Variants in PRKG1 observed in about 807,000 individuals in gnomAD.
PRKG1 encodes protein kinase cGMP-dependent 1.
Under a neutral mutation model 88.1 loss-of-function variants are expected in PRKG1, and 35 were observed. The observed-to-expected ratio is 0.40, with a 90% CI of 0.30 to 0.53. PRKG1 has a LOEUF of 0.53. Ranked by LOEUF, PRKG1 falls within the 20% of genes least tolerant of loss-of-function variation. PRKG1 has a pLI of 0.59. For missense variants in PRKG1, 540 were observed against 839.8 expected (o/e 0.64, Z 4.41); for synonymous variants, 303 against 292.5 (o/e 1.04, Z -0.37).
chr10:52,218,542 G>A (rs746569540), intron 9 of PRKG1, among the ~76,000 whole-genome samples: 6 of 152,066 alleles, frequency 3.9e-5, no homozygotes, highest in East Asian at 1.9e-4. Context: ...ATGAATAGTC[G>A]CAATACAAAA....
At chr10:51,072,099 G>T (rs1194349656), upstream of PRKG1, among the ~76,000 whole-genome samples, 1 of 152,134 alleles carries the variant, frequency 6.6e-6, no homozygotes, top group African/African-American at 2.4e-5. Context: ...GGAGGCTGAG[G>T]CAGGAGAATC....
chr10:51,952,413 T>C (rs1843205819), intron 5 of PRKG1, among the ~76,000 whole-genome samples: 1 of 152,208 alleles, frequency 6.6e-6, no homozygotes, highest in Admixed American at 6.5e-5. Flanking sequence ...GCTCTACTAC[T>C]TACTAGCTGG....
At chr10:51,615,842 C>A (rs1839037755) in intron 3 of PRKG1, among the ~76,000 whole-genome samples, 1 of 151,922 alleles carries the variant, frequency 6.6e-6, no homozygotes, top group Admixed American at 6.6e-5. Flanking sequence ...GAGATCTGTT[C>A]TGGAGAACTA....
At chr10:51,175,848 C>A (rs1025061940) in intron 2 of PRKG1, among the ~76,000 whole-genome samples, 1 of 152,040 alleles carries the variant, frequency 6.6e-6, no homozygotes, top group Non-Finnish European at 1.5e-5. Context: ...TGAGTCTGAT[C>A]CTGTTTCTGA....
At chr10:52,061,220 A>G (rs1846227597) in intron 6 of PRKG1, among the ~76,000 whole-genome samples, 1 of 152,032 alleles carries the variant, frequency 6.6e-6, no homozygotes, top group Non-Finnish European at 1.5e-5. Flanking sequence ...CACTGTGTGG[A>G]GGAGTAATCA....
At chr10:51,132,575 T>C (rs918994375) in intron 1 of PRKG1, among the ~76,000 whole-genome samples, 3 of 151,306 alleles carry the variant, frequency 2.0e-5, no homozygotes, top group Admixed American at 2.0e-4. Flanking sequence ...AGTAACTCTG[T>C]GAGAGACAGA....
rs146700314 is a variant in PRKG1 at position 51,735,854 on chromosome 10, CAT to C, written c.593-68706_593-68705del. On this transcript the variant is annotated intron_variant, in intron 3 of 17. Transcript: ENST00000373980. ...GGATATGGGGCAGGGGGCCTGACTG[CAT>C]ATATATATATATATATATATATATG... is the stretch of plus-strand genomic sequence containing the variant. 7.0e-3 allele frequency among the ~76,000 whole-genome samples: 800 copies of C among 114,162 alleles called. 17 individuals carry two copies. Among genetic ancestry groups the C allele is most frequent in the African/African-American group, 0.025 (728 of 29,034 alleles). 74.9% of individuals were successfully genotyped at this position (114,162 alleles called of 152,430 possible). A position where few individuals can be genotyped will look rare whatever the true frequency, so the allele number is the denominator to read the frequency against.
At chr10:51,834,970 A>G (rs1376659117) in intron 4 of PRKG1, among the ~76,000 whole-genome samples, 1 of 152,136 alleles carries the variant, frequency 6.6e-6, no homozygotes, top group East Asian at 1.9e-4. Flanking sequence ...TTGTCTGTAC[A>G]TAGGAGGCAT....
chr10:52,186,465 T>C (rs1007637324), intron 9 of PRKG1, among the ~76,000 whole-genome samples: 1 of 142,080 alleles, frequency 7.0e-6, no homozygotes, highest in Admixed American at 6.8e-5. Flanking sequence ...TCATGAAGGA[T>C]TTTCCCCCAG....
intron 4 of PRKG1, among the ~76,000 whole-genome samples, chr10:51,893,464 G>A (rs1841770980): frequency 6.6e-6 from 1 of 152,226 alleles, no homozygotes; most frequent in Admixed American, 6.5e-5. Flanking sequence ...TGAATGGGCT[G>A]AATTTCAGCC....
chr10:51,737,746 T>A (rs1378640998), intron 3 of PRKG1, among the ~76,000 whole-genome samples: 1 of 106,962 alleles, frequency 9.3e-6, no homozygotes, highest in Non-Finnish European at 2.0e-5. Context: ...TATTAATTAT[T>A]ATTATTATTA....
chr10:51,661,119 A>G (rs1209250372), intron 3 of PRKG1, among the ~76,000 whole-genome samples: 1 of 152,084 alleles, frequency 6.6e-6, no homozygotes, highest in Non-Finnish European at 1.5e-5. Context: ...AAGCCTAGAT[A>G]TAGGAGACTA....
At chr10:51,458,408 T>C in intron 2 of PRKG1, among the ~76,000 whole-genome samples, 1 of 150,916 alleles carries the variant, frequency 6.6e-6, no homozygotes, top group East Asian at 1.9e-4. Context: ...TTCCAACATA[T>C]TCATCAATGA....
intron 4 of PRKG1, among the ~76,000 whole-genome samples, chr10:51,842,987 T>C (rs1840314623): frequency 6.6e-6 from 1 of 152,024 alleles, no homozygotes; most frequent in East Asian, 1.9e-4. Flanking sequence ...TTGGCACATT[T>C]TGAGGTCAGA....
intron 1 of PRKG1, among the ~76,000 whole-genome samples, chr10:51,108,498 C>CAAAAA (rs1172026777): frequency 6.6e-6 from 1 of 151,880 alleles, no homozygotes; most frequent in Non-Finnish European, 1.5e-5. Context: ...CAAAAACAAG[C>CAAAAA]AAAACAAAAA....
rs567929461 is a variant in PRKG1 at position 51,587,311 on chromosome 10, A to G, written c.592+119475A>G. On this transcript the variant is annotated intron_variant, in intron 3 of 17. Transcript: ENST00000373980. ...GGAATTTTTCCTAAAGCGAAGCTGT[A>G]ATGAATAGCAGCAGTTTTATTCTTC... Among the ~76,000 whole-genome samples the G allele has an allele frequency of 1.3e-3, 200 of 152,290 alleles. 1 individual carries two copies. The highest frequency in any genetic ancestry group is 6.8e-3 in the Middle Eastern group (2 of 294).
intron 2 of PRKG1, among the ~76,000 whole-genome samples, chr10:51,194,863 G>T (rs1410349043): frequency 6.6e-6 from 1 of 152,104 alleles, no homozygotes; most frequent in African/African-American, 2.4e-5. Context: ...GGAACCAAAA[G>T]TTCTTGTATA....
At chr10:51,450,718 A>C (rs1839409749) in intron 2 of PRKG1, among the ~76,000 whole-genome samples, 1 of 151,902 alleles carries the variant, frequency 6.6e-6, no homozygotes, top group African/African-American at 2.4e-5. Context: ...AGTTTTATCC[A>C]TGTTGGAAGG....
intron 9 of PRKG1, among the ~76,000 whole-genome samples, chr10:52,209,575 C>A (rs1031050035): frequency 1.3e-5 from 2 of 152,112 alleles, no homozygotes; most frequent in Non-Finnish European, 2.9e-5. Context: ...AGTTTTAGAA[C>A]CTTTTTTCAC....
Sources: allele counts gnomAD v4.1 joint callset (sites outside exome capture counted in the v4.1 genomes callset), GRCh38; gene constraint gnomAD v4.1.1; transcripts MANE v1.5; gene names NCBI Gene and HGNC (gene_info 2026-07-23, HGNC 2026-07-21).